The following ADGRL3 variants were observed in gnomAD, a reference collection of about 807,000 sequenced individuals.
The protein encoded by ADGRL3 is calcium-independent alpha-latrotoxin receptor 3.
ADGRL3 carries 62 observed loss-of-function variants against 153.5 expected under a neutral mutation model. The ratio of observed to expected loss-of-function variants is 0.40; its 90% CI spans 0.33 to 0.50. The LOEUF (loss-of-function observed/expected upper bound fraction) is 0.50. ADGRL3 is among the 20% of genes least tolerant of loss of function. The probability of loss-of-function intolerance (pLI) is 0.47; values close to 1 mark genes in which losing one functional copy is unlikely to be tolerated. For missense variants in ADGRL3, 1,641 were observed against 1,859.4 expected, an observed-to-expected ratio of 0.88 and a Z score of 2.16; for synonymous variants, 710 against 672.5, an observed-to-expected ratio of 1.06 and a Z score of -0.86.
intron 9 of ADGRL3, among the ~76,000 whole-genome samples, chr4:61,844,562 AAAAAAAAAAAAAAATATAT>A (rs2098085285): frequency 1.4e-5 from 1 of 72,048 alleles, no homozygotes; most frequent in Non-Finnish European, 2.7e-5. Context: ...AAAAAAAAAA[AAAAAAAAAAAAAAATATAT>A]ATATATATAT....
At chr4:61,588,862 G>C (rs2098957533) in intron 5 of ADGRL3, among the ~76,000 whole-genome samples, 1 of 151,978 alleles carries the variant, frequency 6.6e-6, no homozygotes, top group Non-Finnish European at 1.5e-5. Flanking sequence ...ATTTGTTTTA[G>C]TTAACCAAAC....
chr4:61,491,610 G>C (rs970045407), intron 2 of ADGRL3, among the ~76,000 whole-genome samples: 2 of 152,042 alleles, frequency 1.3e-5, no homozygotes, highest in African/African-American at 4.8e-5. Flanking sequence ...TGTAGACACA[G>C]GGTGTTGCTT....
chr4:61,435,459 T>G (rs1455820103), intron 2 of ADGRL3, among the ~76,000 whole-genome samples: 1 of 152,102 alleles, frequency 6.6e-6, no homozygotes, highest in African/African-American at 2.4e-5. Context: ...TATGTTAAGT[T>G]TTCCACATCA....
intron 1 of ADGRL3, among the ~76,000 whole-genome samples, chr4:61,368,804 G>C (rs1269996679): frequency 6.6e-6 from 1 of 152,056 alleles, no homozygotes; most frequent in Non-Finnish European, 1.5e-5. Flanking sequence ...CATTGAATCT[G>C]TAAATTACCT....
chr4:61,902,332 CTG>C (rs1353991048), intron 11 of ADGRL3, among the ~76,000 whole-genome samples: 1 of 152,102 alleles, frequency 6.6e-6, no homozygotes, highest in Non-Finnish European at 1.5e-5. Flanking sequence ...TCAGGTGTAA[CTG>C]TAAATTCCTC....
intron 8 of ADGRL3, among the ~76,000 whole-genome samples, chr4:61,740,254 G>A (rs2096566700): frequency 6.6e-6 from 1 of 151,992 alleles, no homozygotes; most frequent in East Asian, 1.9e-4. Flanking sequence ...ACCTTTAACT[G>A]GCTATTTTTT....
At chr4:61,700,820 C>T (rs1012681316) in intron 6 of ADGRL3, among the ~76,000 whole-genome samples, 25 of 152,062 alleles carry the variant, frequency 1.6e-4, no homozygotes, top group African/African-American at 5.8e-4. Flanking sequence ...TGCTCAACAG[C>T]GCTAATAGCT....
chr4:61,298,875 G>A (rs2094494837), intron 1 of ADGRL3, among the ~76,000 whole-genome samples: 2 of 152,042 alleles, frequency 1.3e-5, no homozygotes, highest in South Asian at 4.1e-4. Flanking sequence ...GACTTCAAGT[G>A]ATTTATTAGA....
At chr4:61,220,148 CAA>C (rs1744815082) in intron 1 of ADGRL3, among the ~76,000 whole-genome samples, 1 of 149,846 alleles carries the variant, frequency 6.7e-6, no homozygotes, top group Non-Finnish European at 1.5e-5. Flanking sequence ...AAAGAAAATA[CAA>C]AGTCATCCAT....
At chr4:61,308,182 G>A (rs1009703488) in intron 1 of ADGRL3, among the ~76,000 whole-genome samples, 5 of 152,272 alleles carry the variant, frequency 3.3e-5, no homozygotes, top group East Asian at 3.9e-4. Flanking sequence ...ACGATCATGC[G>A]TTAGCTGTTC....
chr4:61,308,765 A>G (rs2094894880), intron 1 of ADGRL3, among the ~76,000 whole-genome samples: 1 of 152,172 alleles, frequency 6.6e-6, no homozygotes, highest in Non-Finnish European at 1.5e-5. Context: ...CTGGAGATAT[A>G]CCTTGTCTTA....
intron 1 of ADGRL3, among the ~76,000 whole-genome samples, chr4:61,232,342 T>C (rs1269320847): frequency 6.6e-6 from 1 of 152,050 alleles, no homozygotes; most frequent in Non-Finnish European, 1.5e-5. Context: ...AAGTTTTGTT[T>C]TTGTTCCCCA....
intron 9 of ADGRL3, among the ~76,000 whole-genome samples, chr4:61,877,254 A>G (rs531675258): frequency 3.3e-5 from 5 of 152,296 alleles, no homozygotes; most frequent in Admixed American, 3.3e-4. Context: ...ACGTGGGTGG[A>G]CCTCAAAGCA....
intron 3 of ADGRL3, among the ~76,000 whole-genome samples, chr4:61,497,839 A>T (rs2152812015): frequency 6.6e-6 from 1 of 152,084 alleles, no homozygotes; most frequent in East Asian, 1.9e-4. Flanking sequence ...TGTGTATTTT[A>T]AGCTGAAATA....
chr4:61,537,619 T>A (rs2098664921), intron 4 of ADGRL3, among the ~76,000 whole-genome samples: 1 of 152,142 alleles, frequency 6.6e-6, no homozygotes, highest in African/African-American at 2.4e-5. Context: ...AGGGCTCCAA[T>A]GTCTGAAATT....
chr4:61,984,365 G>A (rs953102847), intron 19 of ADGRL3, among the ~76,000 whole-genome samples: 1 of 152,088 alleles, frequency 6.6e-6, no homozygotes, highest in African/African-American at 2.4e-5. Flanking sequence ...TTACCATGAG[G>A]TTTAGATTCA....
intron 8 of ADGRL3, among the ~76,000 whole-genome samples, chr4:61,755,885 C>A (rs2096823322): frequency 6.6e-6 from 1 of 152,072 alleles, no homozygotes; most frequent in African/African-American, 2.4e-5. Context: ...GAATCCTTTC[C>A]CCATTTCTTG....
At chr4:61,600,613 G>T (rs980845414) in intron 5 of ADGRL3, among the ~76,000 whole-genome samples, 1 of 152,124 alleles carries the variant, frequency 6.6e-6, no homozygotes, top group Non-Finnish European at 1.5e-5. Context: ...AGAAAAATCT[G>T]TTTTTTCCAC....
intron 2 of ADGRL3, among the ~76,000 whole-genome samples, chr4:61,436,879 G>C (rs1479637044): frequency 1.5e-5 from 1 of 65,514 alleles, no homozygotes; most frequent in African/African-American, 4.1e-5. Flanking sequence ...TAAATGTGTG[G>C]TACTTGATAT....
Sources: allele counts gnomAD v4.1 joint callset (sites outside exome capture counted in the v4.1 genomes callset), GRCh38; gene constraint gnomAD v4.1.1; transcripts MANE v1.5; gene names NCBI Gene and HGNC (gene_info 2026-07-23, HGNC 2026-07-21).